TIA1: variants seen among roughly 807,000 people sequenced by gnomAD.
TIA1 encodes the protein TIA1 cytotoxic granule associated RNA binding protein.
A neutral mutation model predicts 65.9 loss-of-function variants in TIA1; 23 were observed. That is an observed-to-expected ratio of 0.35 (90% confidence interval 0.25 to 0.49). TIA1 has a LOEUF of 0.49. Ranked by LOEUF, TIA1 falls within the 20% of genes least tolerant of loss-of-function variation. The probability of loss-of-function intolerance (pLI) is 0.98; values close to 1 mark genes in which losing one functional copy is unlikely to be tolerated. For synonymous variants in TIA1, 147 were observed against 149.4 expected (o/e 0.98, Z 0.12); for missense variants, 371 against 477.9 (o/e 0.78, Z 2.09).
chr2:70,239,556 C>T lies in TIA1; in HGVS notation c.27-3381G>A, dbSNP rs193126971. The stretch of plus-strand genomic sequence containing the variant: ...CAGGTACCCTTCAGAAAATTTGATA[C>T]AAGGTATGGACTTTCTCCCCAGAAA... On this transcript the variant is annotated intron_variant, in intron 1 of 12. Coordinates refer to ENST00000433529, the MANE Select transcript of TIA1 (RefSeq NM_022173.4). Among the ~76,000 whole-genome samples the T allele has an allele frequency of 3.3e-5, 5 of 152,212 alleles. No individual in the cohort carries two copies. The East Asian group carries it at 9.7e-4, about 29-fold the overall frequency.
In TIA1 at chr2:70,236,235, G is replaced by T. The variant is rs1207465889; in HGVS notation, c.27-60C>A. 3.8e-5 allele frequency: 44 copies of T among 1,149,736 alleles called. 1 individual carries two copies. The highest frequency in any genetic ancestry group is 5.4e-5 in the Non-Finnish European group (42 of 781,866). 71.2% of individuals were successfully genotyped at this position (1,149,736 alleles called of 1,614,324 possible). On this transcript the variant is annotated intron_variant, in intron 1 of 12. Transcript: ENST00000433529. ...TTTTTTGAGACAGAGTTTCACTCTTGTTGCCCAGGATAGAGTGCAATGGCA... is the reference window on the plus strand; with the variant it reads ...TTTTTTGAGACAGAGTTTCACTCTTTTTGCCCAGGATAGAGTGCAATGGCA...
chr2:70,236,259 C>T (rs1688896047), intron 1 of TIA1, 84 bp from the exon 2 acceptor site: 6 of 849,386 alleles, frequency 7.1e-6, no homozygotes, highest in Non-Finnish European at 9.4e-6. Flanking sequence ...AGTGCAATGG[C>T]ACGATCTCGG....
chr2:70,232,323 C>T (rs1341028551), intron 2 of TIA1, among the ~76,000 whole-genome samples: 1 of 151,014 alleles, frequency 6.6e-6, no homozygotes, highest in Non-Finnish European at 1.5e-5. Context: ...GGCTGATCAC[C>T]TGAGGTCAGG....
chr2:70,230,976 G>T (rs949632421), intron 2 of TIA1, 122 bp from the exon 3 acceptor site: 4 of 651,980 alleles, frequency 6.1e-6, no homozygotes, highest in African/African-American at 5.7e-5. Context: ...CATGGAGAAT[G>T]AATGGTCTAT....
intron 2 of TIA1, among the ~76,000 whole-genome samples, chr2:70,232,993 C>A (rs901545978): frequency 6.6e-6 from 1 of 152,122 alleles, no homozygotes; most frequent in East Asian, 1.9e-4. Flanking sequence ...TTTACACCTA[C>A]AGTGCAAAAT....
At chr2:70,224,213 C>T (rs1029123639) in intron 7 of TIA1, among the ~76,000 whole-genome samples, 5 of 152,186 alleles carry the variant, frequency 3.3e-5, no homozygotes, top group Middle Eastern at 3.2e-3. Flanking sequence ...CCACTGCGTC[C>T]GGCCTCCTCA....
chr2:70,239,251 C>T lies in TIA1; in HGVS notation c.27-3076G>A, dbSNP rs549311139. On this transcript the variant is annotated intron_variant, in intron 1 of 12. Transcript: ENST00000433529. ...GGGACTACAGGCACCCGCCACCACG[C>T]CCGGCTAGTTTTTTGTATTTTTAGT... Among the ~76,000 whole-genome samples, 19 of 152,188 alleles carry T rather than the reference C, an allele frequency of 1.2e-4. No individual in the cohort carries two copies. In the East Asian group the frequency reaches 3.5e-3, roughly 28 times the overall value.
chr2:70,231,275 C>A (rs1275991228), intron 2 of TIA1, among the ~76,000 whole-genome samples: 1 of 152,104 alleles, frequency 6.6e-6, no homozygotes, highest in Non-Finnish European at 1.5e-5. Flanking sequence ...GCACTCCAGC[C>A]TGGGCGACAG....
chr2:70,213,330 ATTT>A (rs1677091881), intron 12 of TIA1, among the ~76,000 whole-genome samples: 2 of 150,346 alleles, frequency 1.3e-5, no homozygotes, highest in Non-Finnish European at 3.0e-5. Context: ...ACATTACAAG[ATTT>A]TCTTTTCTTT....
At chr2:70,229,477 T>C (rs974663729) in intron 3 of TIA1, among the ~76,000 whole-genome samples, 159 bp from the exon 4 acceptor site, 1 of 152,232 alleles carries the variant, frequency 6.6e-6, no homozygotes, top group African/African-American at 2.4e-5. Context: ...GACCTACATT[T>C]AGGCAAATAA....
At chr2:70,243,279 T>C (rs1254905169) in intron 1 of TIA1, among the ~76,000 whole-genome samples, 1 of 152,064 alleles carries the variant, frequency 6.6e-6, no homozygotes, top group African/African-American at 2.4e-5. Flanking sequence ...TTTTAAAAAT[T>C]AGCCAGACAT....
chr2:70,217,125 A>G lies in TIA1; in HGVS notation c.475-131T>C, dbSNP rs1372743444. The stretch of plus-strand genomic sequence containing the variant: ...AAATGCTCTATGAAATACACAACAT[A>G]TGATAGCTTTCCTAAAATGCAATGG... On this transcript the variant is annotated intron_variant, in intron 7 of 12. Coordinates refer to ENST00000433529, the MANE Select transcript of TIA1 (RefSeq NM_022173.4). 4.1e-6 allele frequency: 3 copies of G among 736,536 alleles called. No individual in the cohort carries two copies. The African/African-American group carries it at 5.5e-5, about 13-fold the overall frequency. 45.6% of individuals were successfully genotyped at this position (736,536 alleles called of 1,614,324 possible). A position where few individuals can be genotyped will look rare whatever the true frequency, so the allele number is the denominator to read the frequency against.
rs942207054 is a variant in TIA1, at chr2:70,212,174, G to A, written c.*545C>T. ...AAAAAGATGTAGATACAAAAATGAT[G>A]TAAACTAATAATTTATATTAAAAAA... On this transcript the variant is annotated 3_prime_UTR_variant, in exon 13 of 13. Transcript: ENST00000433529. 6.6e-6 allele frequency: 1 copy of A among 152,558 alleles called. No homozygotes were observed. The highest frequency in any genetic ancestry group is 2.4e-5 in the African/African-American group (1 of 41,424). 9.5% of individuals were successfully genotyped at this position (152,558 alleles called of 1,614,324 possible).
chr2:70,214,939 T>G (rs2103894647), intron 11 of TIA1, among the ~76,000 whole-genome samples: 1 of 152,330 alleles, frequency 6.6e-6, no homozygotes, highest in South Asian at 2.1e-4. Flanking sequence ...ATAGAAATCT[T>G]TGTGGAATCA....
At chr2:70,248,220 GTCTCCCT>G (rs1196435367) in intron 1 of TIA1, among the ~76,000 whole-genome samples, 178 bp downstream of exon 1, 1 of 152,222 alleles carries the variant, frequency 6.6e-6, no homozygotes, top group Non-Finnish European at 1.5e-5. Context: ...GTTGAGCCCC[GTCTCCCT>G]TCACCTCGTC....
At chr2:70,232,419 A>C (rs1287330388) in intron 2 of TIA1, among the ~76,000 whole-genome samples, 1 of 149,268 alleles carries the variant, frequency 6.7e-6, no homozygotes, top group Non-Finnish European at 1.5e-5. Flanking sequence ...GCATGCCTGT[A>C]ATCCCAGCTA....
chr2:70,224,112 T>A (rs908211280), intron 7 of TIA1, among the ~76,000 whole-genome samples: 1 of 151,970 alleles, frequency 6.6e-6, no homozygotes, highest in Non-Finnish European at 1.5e-5. Context: ...GAAACAGGGT[T>A]TCACCAGGTT....
chr2:70,216,586 G>A (rs1272726840), intron 8 of TIA1, 87 bp from the exon 9 acceptor site: 17 of 1,376,504 alleles, frequency 1.2e-5, no homozygotes, highest in Admixed American at 8.1e-5. Context: ...TACTGTAAAG[G>A]TAACATTAAC....
chr2:70,228,693 TAAAC>T (rs942943529), intron 5 of TIA1: 5 of 985,222 alleles, frequency 5.1e-6, no homozygotes, highest in African/African-American at 3.5e-5. Flanking sequence ...TGACAGGCCT[TAAAC>T]AACATTTTGG....
Sources: gnomAD v4.1 joint callset for allele counts (sites outside exome capture counted in the v4.1 genomes callset) on GRCh38, gnomAD v4.1.1 for gene constraint, MANE v1.5 for transcripts, NCBI Gene and HGNC (gene_info 2026-07-23, HGNC 2026-07-21) for gene names.